Variants in ADAMTSL1 observed in about 807,000 individuals in gnomAD.
ADAMTSL1 encodes ADAMTS-like protein 1.
ADAMTSL1 carries 126 observed loss-of-function variants against 201.8 expected under a neutral mutation model. That is an observed-to-expected ratio of 0.62 (90% CI 0.54 to 0.72). The LOEUF (loss-of-function observed/expected upper bound fraction) is 0.72, where lower values mean the gene tolerates loss of function less well. Among genes scored for constraint, ADAMTSL1 ranks in the 30% least tolerant of loss-of-function variants. The probability of loss-of-function intolerance (pLI) is 0.00; values close to 1 mark genes in which losing one functional copy is unlikely to be tolerated. For missense variants in ADAMTSL1, 2,679 were observed against 2,277.8 expected, an observed-to-expected ratio of 1.18 and a Z score of -3.59; for synonymous variants, 1,121 against 903.4, an observed-to-expected ratio of 1.24 and a Z score of -4.32.
chr9:18,774,571 TTTAC>T (rs1367629820), intron 17 of ADAMTSL1, among the ~76,000 whole-genome samples: 2 of 152,172 alleles, frequency 1.3e-5, no homozygotes, highest in African/African-American at 2.4e-5. Context: ...TTTATACTAC[TTTAC>T]TTGTCTTCTA....
At chr9:18,536,369 G>A (rs76585994) in intron 3 of ADAMTSL1, among the ~76,000 whole-genome samples, 1,965 of 151,352 alleles carry the variant, frequency 0.013, 50 homozygotes, top group African/African-American at 0.045. Flanking sequence ...TTGTAGAACC[G>A]CTACATATAA....
rs141241936 is a variant in ADAMTSL1 at position 18,727,606 on chromosome 9, T to A, written c.2006+5941T>A. Among the ~76,000 whole-genome samples, 971 of 152,354 alleles carry A rather than the reference T, an allele frequency of 6.4e-3. 5 individuals are homozygous for A. Among genetic ancestry groups the A allele is most frequent in the Non-Finnish European group, 9.5e-3 (645 of 68,034 alleles). On this transcript the variant is annotated intron_variant, in intron 15 of 28. Transcript: ENST00000380548. ...TGTATTGGCCCAGTGATCACAAATGTCCCCAGCAGCATTTTGACATCAACA... is the reference window on the plus strand; with the variant it reads ...TGTATTGGCCCAGTGATCACAAATGACCCCAGCAGCATTTTGACATCAACA...
chr9:18,042,297 A>G (rs1821459443), intron 1 of ADAMTSL1, among the ~76,000 whole-genome samples: 1 of 152,156 alleles, frequency 6.6e-6, no homozygotes, highest in Non-Finnish European at 1.5e-5. Flanking sequence ...AAAATATTAT[A>G]ATACTAATTC....
At chr9:18,287,795 G>T (rs1219341111) in intron 2 of ADAMTSL1, among the ~76,000 whole-genome samples, 1 of 141,722 alleles carries the variant, frequency 7.1e-6, no homozygotes, top group Admixed American at 7.5e-5. Flanking sequence ...AGTTGGGAAG[G>T]ATCCCACAGA....
intron 23 of ADAMTSL1, among the ~76,000 whole-genome samples, chr9:18,882,126 G>A (rs941642133): frequency 1.1e-4 from 16 of 152,114 alleles, no homozygotes; most frequent in Non-Finnish European, 1.8e-4. Context: ...CCAACCTAGG[G>A]GCTGCTACCA....
chr9:18,490,273 A>G (rs1041760464), intron 1 of ADAMTSL1, among the ~76,000 whole-genome samples: 2 of 151,950 alleles, frequency 1.3e-5, no homozygotes, highest in African/African-American at 2.4e-5. Flanking sequence ...AGACAGGGGG[A>G]ACAGAAGGAA....
intron 1 of ADAMTSL1, among the ~76,000 whole-genome samples, chr9:18,137,089 G>C (rs1219256953): frequency 6.6e-6 from 1 of 152,110 alleles, no homozygotes; most frequent in Non-Finnish European, 1.5e-5. Flanking sequence ...GGACAGTTGT[G>C]AAAGATGAGG....
chr9:18,466,268 C>T (rs1330709614), intron 2 of ADAMTSL1, among the ~76,000 whole-genome samples: 2 of 152,072 alleles, frequency 1.3e-5, no homozygotes, highest in Non-Finnish European at 2.9e-5. Context: ...CTCAGTTGCA[C>T]GTCATATTTT....
intron 19 of ADAMTSL1, among the ~76,000 whole-genome samples, chr9:18,789,622 G>A (rs1185919345): frequency 1.3e-5 from 2 of 152,148 alleles, no homozygotes; most frequent in African/African-American, 2.4e-5. Context: ...TCTCACTGAA[G>A]AAATGAGACA....
chr9:18,153,145 G>A (rs573848376), intron 1 of ADAMTSL1, among the ~76,000 whole-genome samples: 27 of 152,128 alleles, frequency 1.8e-4, no homozygotes, highest in African/African-American at 6.5e-4. Flanking sequence ...CATTGAGCTT[G>A]CAGTCAGCTA....
chr9:18,118,865 A>G (rs139494974), intron 1 of ADAMTSL1, among the ~76,000 whole-genome samples: 143 of 152,290 alleles, frequency 9.4e-4, no homozygotes, highest in Non-Finnish European at 1.4e-3. Flanking sequence ...GTATTTTTTC[A>G]CTAAGACAGA....
At chr9:18,081,556 G>A (rs1018380617) in intron 1 of ADAMTSL1, among the ~76,000 whole-genome samples, 8 of 152,004 alleles carry the variant, frequency 5.3e-5, no homozygotes, top group Admixed American at 5.2e-4. Flanking sequence ...AAAATCACTC[G>A]AGCTGAATGA....
chr9:18,095,328 T>C (rs1269007492), intron 1 of ADAMTSL1, among the ~76,000 whole-genome samples: 1 of 152,044 alleles, frequency 6.6e-6, no homozygotes, highest in Non-Finnish European at 1.5e-5. Flanking sequence ...ATTTTAATTA[T>C]CACAGTGTTG....
chr9:18,574,160 G>C lies in ADAMTSL1; in HGVS notation c.368G>C (p.Cys123Ser), dbSNP rs758742946. 3 of 1,614,136 alleles carry C rather than the reference G, an allele frequency of 1.9e-6. No individual in the cohort carries two copies. Among genetic ancestry groups the C allele is most frequent in the Non-Finnish European group, 2.5e-6 (3 of 1,180,010 alleles). Reference protein sequence around the residue: ...NDPDNPCSLKCQAKGTTLVVE... With the variant: ...NDPDNPCSLKSQAKGTTLVVE... Reference sequence around the variant, plus strand: ...CCTGACAACCCATGTTCACTCAAGTGCCAAGCCAAAGGAACAACCCTGGTT... The same window carrying C: ...CCTGACAACCCATGTTCACTCAAGTCCCAAGCCAAAGGAACAACCCTGGTT... The change falls in exon 4 of 29, where the codon TGC (cysteine) becomes TCC (serine). Residue 123 changes from cysteine to serine, a missense_variant. Transcript: ENST00000380548.
intron 13 of ADAMTSL1, among the ~76,000 whole-genome samples, chr9:18,701,963 G>C (rs1332057831): frequency 6.6e-6 from 1 of 152,172 alleles, no homozygotes; most frequent in Non-Finnish European, 1.5e-5. Context: ...AAAAGAAAGA[G>C]GTTTAATTGG....
intron 5 of ADAMTSL1, among the ~76,000 whole-genome samples, chr9:18,625,054 C>T (rs1333529207): frequency 6.6e-6 from 1 of 152,182 alleles, no homozygotes; most frequent in East Asian, 1.9e-4. Flanking sequence ...CTTATATTTA[C>T]AGACTGTGAG....
chr9:17,917,183 A>T (rs188544860), intron 1 of ADAMTSL1, among the ~76,000 whole-genome samples: 1 of 152,152 alleles, frequency 6.6e-6, no homozygotes, highest in Non-Finnish European at 1.5e-5. Flanking sequence ...GATTTTCCAC[A>T]TAAGTGATTG....
At chr9:17,966,885 AT>A (rs1374436821) in intron 1 of ADAMTSL1, among the ~76,000 whole-genome samples, 2 of 152,082 alleles carry the variant, frequency 1.3e-5, no homozygotes, top group Non-Finnish European at 2.9e-5. Context: ...ATTTTCTTTT[AT>A]TTAGTAGTTA....
At chr9:18,039,875 G>A (rs373988750) in intron 1 of ADAMTSL1, among the ~76,000 whole-genome samples, 11 of 152,140 alleles carry the variant, frequency 7.2e-5, no homozygotes, top group East Asian at 1.9e-4. Flanking sequence ...GTATTTAGCC[G>A]ATAAGATTTC....
Sources: allele counts gnomAD v4.1 joint callset (sites outside exome capture counted in the v4.1 genomes callset), GRCh38; gene constraint gnomAD v4.1.1; transcripts MANE v1.5; gene names NCBI Gene and HGNC (gene_info 2026-07-23, HGNC 2026-07-21).